ALG13: variants seen among roughly 807,000 people sequenced by gnomAD.
ALG13 encodes the protein UDP-N-acetylglucosamine transferase subunit ALG13.
Under a neutral mutation model 87.8 loss-of-function variants are expected in ALG13, and 11 were observed. The ratio of observed to expected loss-of-function variants is 0.13; its 90% CI spans 0.08 to 0.21. ALG13 has a LOEUF of 0.21. Ranked by LOEUF, ALG13 falls within the 10% of genes least tolerant of loss-of-function variation. The probability of loss-of-function intolerance (pLI) is 1.00; values close to 1 mark genes in which losing one functional copy is unlikely to be tolerated. For synonymous variants in ALG13, 320 were observed against 306.3 expected (o/e 1.04, Z -0.47); for missense variants, 756 against 866.1 (o/e 0.87, Z 1.60).
Position 111,682,034 on chromosome X carries a change from C to T in ALG13, c.82-98C>T, listed in dbSNP as rs1246541942. The T allele has an allele frequency of 2.1e-5, 19 of 923,601 alleles. No individual in the cohort carries two copies. In the Admixed American group the frequency reaches 4.5e-4, roughly 22 times the overall value. 76.1% of individuals were successfully genotyped at this position (923,601 alleles called of 1,213,427 possible). A position where few individuals can be genotyped will look rare whatever the true frequency, so the allele number is the denominator to read the frequency against. On this transcript the variant is annotated intron_variant, in intron 1 of 26. Transcript: ENST00000394780. ...ACAGATAGGCTTTTTGGCGGCCGTGCTCCGATGTTAACGTCAAACTTTAGT... is the reference window on the plus strand; with the variant it reads ...ACAGATAGGCTTTTTGGCGGCCGTGTTCCGATGTTAACGTCAAACTTTAGT...
chrX:111,742,175 CTT>C (rs753294964), intron 23 of ALG13, among the ~76,000 whole-genome samples: 2 of 111,619 alleles, frequency 1.8e-5, no homozygotes, highest in African/African-American at 6.5e-5. Flanking sequence ...TTTAGTTGCT[CTT>C]TGTCATTCTT....
At chrX:111,755,964 TGTATG>T (rs1462175133) in intron 25 of ALG13, among the ~76,000 whole-genome samples, 1 of 112,496 alleles carries the variant, frequency 8.9e-6, no homozygotes, top group African/African-American at 3.2e-5. Flanking sequence ...CACATGCACA[TGTATG>T]TTTACTGCAG....
intron 21 of ALG13, among the ~76,000 whole-genome samples, chrX:111,733,186 C>T (rs956946072): frequency 9.0e-6 from 1 of 111,228 alleles, no homozygotes; most frequent in African/African-American, 3.3e-5. Flanking sequence ...TGGTTGGTTA[C>T]AATGAATAAG....
chrX:111,708,433 A>G (rs1939154427), intron 4 of ALG13, 40 bp downstream of exon 4: 6 of 1,171,625 alleles, frequency 5.1e-6, no homozygotes, highest in Non-Finnish European at 6.9e-6. Flanking sequence ...GAGTTTTCAG[A>G]GTTTGAGACA....
chrX:111,727,237 T>C, intron 16 of ALG13, 95 bp from the exon 17 acceptor site: 1 of 902,394 alleles, frequency 1.1e-6, no homozygotes, highest in Non-Finnish European at 1.6e-6. Context: ...GTTGAATGTT[T>C]TTAGAAAGAC....
chrX:111,759,766 C>T lies in ALG13; in HGVS notation c.3181C>T (p.Pro1061Ser), dbSNP rs1945590685. 1 of 1,207,489 alleles carries T rather than the reference C, an allele frequency of 8.3e-7. No individual in the cohort carries two copies. Among genetic ancestry groups the T allele is most frequent in the Non-Finnish European group, 1.1e-6 (1 of 892,998 alleles). The change falls in exon 27 of 27, where the codon CCT becomes TCT. Residue 1061 changes from proline to serine, a missense_variant. Coordinates refer to ENST00000394780, the MANE Select transcript of ALG13 (RefSeq NM_001099922.3). ...TCCGAATGCTGATTCTTCATCTGTCCCTCATGGAGCAGTCTATTATCCAGT... is the reference window on the plus strand; with the variant it reads ...TCCGAATGCTGATTCTTCATCTGTCTCTCATGGAGCAGTCTATTATCCAGT... ...TFPNADSSSV[P>S]HGAVYYPVMS...
At chrX:111,752,981 C>A in intron 25 of ALG13, 151 bp downstream of exon 25, 1 of 416,047 alleles carries the variant, frequency 2.4e-6, no homozygotes, top group South Asian at 4.8e-5. Flanking sequence ...TGACATAGTT[C>A]AGTTGTCTGC....
chrX:111,759,457 TTATG>T (rs1239091369), intron 26 of ALG13, among the ~76,000 whole-genome samples: 1 of 111,890 alleles, frequency 8.9e-6, no homozygotes, highest in Non-Finnish European at 1.9e-5. Flanking sequence ...TAAAGAATAT[TTATG>T]TATTTAGCTT....
chrX:111,757,911 C>A, intron 26 of ALG13, 149 bp downstream of exon 26: 1 of 531,646 alleles, frequency 1.9e-6, no homozygotes, highest in Non-Finnish European at 3.0e-6. Flanking sequence ...GTCCCTAAGA[C>A]TCTTTCAAGG....
chrX:111,746,546 C>G (rs1199442133), intron 24 of ALG13, among the ~76,000 whole-genome samples: 1 of 111,815 alleles, frequency 8.9e-6, no homozygotes, highest in East Asian at 2.8e-4. Flanking sequence ...TATGACTGTT[C>G]CACAGTTTGT....
At chrX:111,726,227 G>GTT (rs1448726593) in intron 15 of ALG13, among the ~76,000 whole-genome samples, 133 of 83,689 alleles carry the variant, frequency 1.6e-3, no homozygotes, top group African/African-American at 5.4e-3. Context: ...TTACAGGCGT[G>GTT]TTTTGTTTTT....
chrX:111,699,905 T>TC (rs1937500426), intron 3 of ALG13, among the ~76,000 whole-genome samples: 1 of 110,546 alleles, frequency 9.0e-6, no homozygotes, highest in Non-Finnish European at 1.9e-5. Flanking sequence ...TTTTTTTTTT[T>TC]CTATTTCGGC....
chrX:111,741,387 T>C (rs1439534430), intron 23 of ALG13, among the ~76,000 whole-genome samples: 1 of 112,291 alleles, frequency 8.9e-6, no homozygotes, highest in Non-Finnish European at 1.9e-5. Flanking sequence ...AGGAAGTGAT[T>C]ACTATTAAAG....
At chrX:111,714,333 A>G (rs12839082) in intron 8 of ALG13, 2 of 110,460 alleles carry the variant, frequency 1.8e-5, no homozygotes, top group Non-Finnish European at 3.8e-5. Context: ...TGCTAAAAGC[A>G]TAAGGGAAAA....
At chrX:111,756,918 T>C (rs887999717) in intron 25 of ALG13, among the ~76,000 whole-genome samples, 15 of 112,110 alleles carry the variant, frequency 1.3e-4, no homozygotes, top group Non-Finnish European at 2.6e-4. Flanking sequence ...TATAGTCACA[T>C]GTGGAAACTT....
In ALG13 at chrX:111,708,954, C is replaced by G. The variant is rs1569515614; in HGVS notation, c.751-11C>G. On this transcript the variant is annotated splice_polypyrimidine_tract_variant and intron_variant, in intron 4 of 26. Transcript: ENST00000394780. ...CTACTGACAGTGGGCTGGTCTTTCT[C>G]TTCTTTTTAGTTGTTTTGCAGCCAG... is the stretch of plus-strand genomic sequence containing the variant. 8.7e-7 allele frequency: 1 copy of G among 1,154,671 alleles called. No individual in the cohort carries two copies. The highest frequency in any genetic ancestry group is 1.2e-6 in the Non-Finnish European group (1 of 856,977).
chrX:111,689,324 GT>G (rs1935708497), intron 3 of ALG13: 2 of 752,819 alleles, frequency 2.7e-6, no homozygotes, highest in South Asian at 6.8e-5. Flanking sequence ...TCATAAATAC[GT>G]TTTTCTCATT....
chrX:111,711,832 A>G, intron 6 of ALG13, 107 bp downstream of exon 6: 3 of 766,826 alleles, frequency 3.9e-6, no homozygotes, highest in Non-Finnish European at 5.6e-6. Context: ...TATTTTATTT[A>G]GTAGCCAGCT....
intron 8 of ALG13, among the ~76,000 whole-genome samples, chrX:111,717,406 C>A (rs953838984): frequency 9.0e-6 from 1 of 111,224 alleles, no homozygotes; most frequent in Admixed American, 9.6e-5. Context: ...AATAAAATCC[C>A]TTTCCTCCCT....
Sources: gnomAD v4.1 joint callset for allele counts (sites outside exome capture counted in the v4.1 genomes callset) on GRCh38, gnomAD v4.1.1 for gene constraint, MANE v1.5 for transcripts, NCBI Gene and HGNC (gene_info 2026-07-23, HGNC 2026-07-21) for gene names.